The following PDZK1 variants were observed in gnomAD, a reference collection of about 807,000 sequenced individuals.
PDZK1 encodes PDZ domain containing 1.
PDZK1 carries 23 observed loss-of-function variants against 38.1 expected under a neutral mutation model. The observed-to-expected ratio is 0.60, with a 90% CI of 0.43 to 0.85. The LOEUF is 0.85. Among genes scored for constraint, PDZK1 ranks in the 40% least tolerant of loss-of-function variants. The probability of loss-of-function intolerance (pLI) is 0.00; values close to 1 mark genes in which losing one functional copy is unlikely to be tolerated. For synonymous variants in PDZK1, 98 were observed against 186.2 expected (o/e 0.53, Z 3.86); for missense variants, 297 against 504.3 (o/e 0.59, Z 3.94).
chr1:145,694,117 T>C (rs1655475021), intron 1 of PDZK1, among the ~76,000 whole-genome samples: 2 of 152,180 alleles, frequency 1.3e-5, no homozygotes, highest in South Asian at 4.1e-4. Context: ...AAACAACCTT[T>C]CACTGTTCTC....
At chr1:145,692,707 CAAA>C (rs879949674) in intron 1 of PDZK1, among the ~76,000 whole-genome samples, 13 of 102,574 alleles carry the variant, frequency 1.3e-4, no homozygotes, top group Non-Finnish European at 2.6e-4. Context: ...GATTCCGTCT[CAAA>C]AAAAAAAAAA....
intron 1 of PDZK1, among the ~76,000 whole-genome samples, chr1:145,691,519 G>GA (rs1158484394): frequency 6.6e-6 from 1 of 152,090 alleles, no homozygotes; most frequent in African/African-American, 2.4e-5. Flanking sequence ...TCTGCCTCCT[G>GA]AAAAAATCTA....
intron 6 of PDZK1, chr1:145,674,436 G>T (rs1653433152): frequency 3.3e-6 from 1 of 302,448 alleles, no homozygotes; most frequent in South Asian, 1.3e-4. Context: ...CATTATTTTG[G>T]TGTGTGTCTG....
chr1:145,674,133 C>G (rs1260970570), intron 6 of PDZK1: 1 of 970,538 alleles, frequency 1.0e-6, no homozygotes, highest in East Asian at 1.1e-4. Context: ...GTATAGGATG[C>G]GGTACAAGGA....
chr1:145,674,193 A>G (rs1653397842), intron 6 of PDZK1: 3 of 985,306 alleles, frequency 3.0e-6, no homozygotes, highest in Non-Finnish European at 3.6e-6. Flanking sequence ...TGAGTTCATG[A>G]TAGTGAGCAA....
Position 145,671,348 on chromosome 1 carries a change from G to C in PDZK1, c.*88C>G. ...TTTTCTTCTAAAGAGACAGTAAACA[G>C]GTCACAACTCATTCCTTGAGAAAGG... On this transcript the variant is annotated 3_prime_UTR_variant, in exon 9 of 9. Transcript: ENST00000417171. 1 of 1,601,452 alleles carries C rather than the reference G, an allele frequency of 6.2e-7. No homozygotes were observed. Among genetic ancestry groups the C allele is most frequent in the South Asian group, 1.1e-5 (1 of 90,234 alleles).
At chr1:145,694,695 T>C in intron 1 of PDZK1, among the ~76,000 whole-genome samples, 1 of 151,466 alleles carries the variant, frequency 6.6e-6, no homozygotes, top group East Asian at 2.0e-4. Context: ...TCAAGAGATC[T>C]AGACCATCCT....
At chr1:145,706,766 T>C (rs1404697471) in intron 1 of PDZK1, among the ~76,000 whole-genome samples, 1 of 152,014 alleles carries the variant, frequency 6.6e-6, no homozygotes, top group East Asian at 1.9e-4. Context: ...GCCTGGGGAA[T>C]GTATGTTTTA....
Position 145,687,984 on chromosome 1 carries a change from G to A in PDZK1, c.38C>T (p.Ser13Phe). ...STFNPRECKL[S>F]KQEGQNYGFF... ...GCCATAGTTTTGCCCTTCTTGCTTG[G>A]ACAGTTTACATTCTCGGGGGTTGAA... The change falls in exon 2 of 9, where the codon TCC becomes TTC. Residue 13 changes from serine to phenylalanine, a missense_variant. Around this residue, in one of 5 missense-constraint regions of PDZK1, gnomAD observed 159 missense variants for 200.0 expected, o/e 0.79. Coordinates refer to ENST00000417171, the MANE Select transcript of PDZK1 (RefSeq NM_001201325.2). The A allele has an allele frequency of 6.2e-7, 1 of 1,612,700 alleles. No individual in the cohort carries two copies. The highest frequency in any genetic ancestry group is 1.1e-5 in the South Asian group (1 of 90,974).
intron 3 of PDZK1, among the ~76,000 whole-genome samples, chr1:145,684,385 T>A (rs1553701226): frequency 6.6e-6 from 1 of 152,046 alleles, no homozygotes; most frequent in African/African-American, 2.4e-5. Context: ...ATTTTTTGTA[T>A]TTTTAGTAGA....
In PDZK1 at chr1:145,699,059, G is replaced by A. The variant is rs797032942; in HGVS notation, c.-3+8258C>T. Among the ~76,000 whole-genome samples, 3 of 152,030 alleles carry A rather than the reference G, an allele frequency of 2.0e-5. No homozygotes were observed. The South Asian group carries it at 6.2e-4, about 32-fold the overall frequency. ...TTGAGACCAGCGTGGCCAACTTGGC[G>A]AAACCCTGTCTCTACTAAAAATACA... On this transcript the variant is annotated intron_variant, in intron 1 of 8. Transcript: ENST00000417171.
chr1:145,676,275 G>C (rs1553699245), intron 6 of PDZK1: 1 of 445,844 alleles, frequency 2.2e-6, no homozygotes, highest in African/African-American at 2.1e-5. Context: ...GGAGGGGTCA[G>C]AATCCCCTTT....
intron 1 of PDZK1, among the ~76,000 whole-genome samples, chr1:145,706,128 T>C (rs892512273): frequency 6.6e-6 from 1 of 152,160 alleles, no homozygotes; most frequent in South Asian, 2.1e-4. Flanking sequence ...TGATCAATAA[T>C]GAAATTGAGG....
At chr1:145,677,972 AAG>A (rs1470318076) in intron 6 of PDZK1, among the ~76,000 whole-genome samples, 6 of 142,516 alleles carry the variant, frequency 4.2e-5, no homozygotes, top group African/African-American at 1.6e-4. Context: ...TGTTATGATA[AAG>A]AGCTGTTAAG....
intron 2 of PDZK1, 92 bp downstream of exon 2, chr1:145,687,720 C>T: frequency 8.7e-7 from 1 of 1,153,364 alleles, no homozygotes; most frequent in Non-Finnish European, 1.3e-6. Flanking sequence ...CAGGAAAGAA[C>T]CAAACTCTAC....
chr1:145,694,268 A>G (rs1198662684), intron 1 of PDZK1, among the ~76,000 whole-genome samples: 1 of 152,204 alleles, frequency 6.6e-6, no homozygotes, highest in Admixed American at 6.5e-5. Context: ...CCTACCAGTC[A>G]TCCCGTGAAC....
chr1:145,678,995 T>C (rs1335491467), intron 5 of PDZK1, among the ~76,000 whole-genome samples: 58 of 151,592 alleles, frequency 3.8e-4, no homozygotes, highest in Admixed American at 2.4e-3. Context: ...ACGCGTCTTA[T>C]GTAAAAGCTG....
At chr1:145,676,070 A>G (rs1261338895) in intron 6 of PDZK1, 1 of 180,976 alleles carries the variant, frequency 5.5e-6, no homozygotes, top group Non-Finnish European at 1.1e-5. Context: ...TTGGGTGTCT[A>G]GTATGTGCCA....
chr1:145,680,931 C>T lies in PDZK1; in HGVS notation c.774G>A (p.Arg258=). 1.8e-6 allele frequency: 1 copy of T among 553,384 alleles called. No homozygotes were observed. The highest frequency in any genetic ancestry group is 2.3e-5 in the South Asian group (1 of 44,436). 34.3% of individuals were successfully genotyped at this position (553,384 alleles called of 1,614,324 possible). A position where few individuals can be genotyped will look rare whatever the true frequency, so the allele number is the denominator to read the frequency against. ...KGSNGYGFYL[R]AGSEQKGQII... ...CCTTACCTTTCTGTTCTGAGCCTGC[C>T]CTCAGATAGAAACCATAGCCATTGC... The change falls in exon 5 of 9, where the codon AGG becomes AGA. Residue 258 remains arginine (R), a synonymous_variant. Coordinates refer to ENST00000417171, the MANE Select transcript of PDZK1 (RefSeq NM_001201325.2).
Sources: allele counts gnomAD v4.1 joint callset (sites outside exome capture counted in the v4.1 genomes callset), GRCh38; gene constraint gnomAD v4.1.1; regional missense constraint gnomAD v4.1.1; transcripts MANE v1.5; gene names NCBI Gene and HGNC (gene_info 2026-07-23, HGNC 2026-07-21).